The following SLC24A2 variants were observed in gnomAD, a reference collection of about 807,000 sequenced individuals.
The protein encoded by SLC24A2 is sodium/potassium/calcium exchanger 2.
A neutral mutation model predicts 62.0 loss-of-function variants in SLC24A2; 36 were observed. The ratio of observed to expected loss-of-function variants is 0.58; its 90% CI spans 0.44 to 0.77. The LOEUF (loss-of-function observed/expected upper bound fraction) is 0.77, where lower values mean the gene tolerates loss of function less well. Ranked by LOEUF, SLC24A2 falls within the 30% of genes least tolerant of loss-of-function variation. The pLI is 0.00. For synonymous variants in SLC24A2, 358 were observed against 294.0 expected (o/e 1.22, Z -2.23); for missense variants, 846 against 817.9 (o/e 1.03, Z -0.42).
chr9:19,542,727 A>G (rs1834337847), intron 8 of SLC24A2, among the ~76,000 whole-genome samples: 1 of 152,072 alleles, frequency 6.6e-6, no homozygotes, highest in Non-Finnish European at 1.5e-5. Flanking sequence ...TGTGTATGTG[A>G]TGGATTACAT....
the SLC24A2 span, among the ~76,000 whole-genome samples, chr9:20,258,211 C>A: frequency 6.6e-6 from 1 of 152,166 alleles, no homozygotes; most frequent in African/African-American, 2.4e-5. Context: ...GTGTGATTAT[C>A]AATTTTGGCT....
chr9:19,573,886 T>C (rs1190392460), intron 6 of SLC24A2, among the ~76,000 whole-genome samples: 1 of 152,162 alleles, frequency 6.6e-6, no homozygotes, highest in African/African-American at 2.4e-5. Flanking sequence ...CCACACGCAA[T>C]CTACATACTA....
At chr9:19,771,898 G>T (rs1022854385) in intron 2 of SLC24A2, among the ~76,000 whole-genome samples, 7 of 152,146 alleles carry the variant, frequency 4.6e-5, no homozygotes, top group African/African-American at 1.7e-4. Context: ...GGCATGGAAT[G>T]GGAGGAGTTA....
chr9:19,787,590 C>G (rs942260212), intron 1 of SLC24A2, among the ~76,000 whole-genome samples: 21 of 152,112 alleles, frequency 1.4e-4, no homozygotes, highest in African/African-American at 5.1e-4. Context: ...GATATCAGAT[C>G]TTATTTTTCA....
intron 2 of SLC24A2, among the ~76,000 whole-genome samples, chr9:19,648,160 T>C (rs6475357): frequency 0.25 from 37,824 of 152,136 alleles, 5,003 homozygotes; most frequent in African/African-American, 0.34. Context: ...CCCATTAAGG[T>C]AGATATTATT....
At chr9:19,932,184 T>C in the SLC24A2 span, among the ~76,000 whole-genome samples, 1 of 152,144 alleles carries the variant, frequency 6.6e-6, no homozygotes, top group African/African-American at 2.4e-5. Context: ...ATTTAAATAG[T>C]CAAAGTTGTA....
the SLC24A2 span, among the ~76,000 whole-genome samples, chr9:20,051,318 G>A: frequency 6.6e-6 from 1 of 151,942 alleles, no homozygotes; most frequent in Non-Finnish European, 1.5e-5. Flanking sequence ...ACTAACTTTT[G>A]GTAGACCTAA....
intron 10 of SLC24A2, 85 bp downstream of exon 10, chr9:19,520,809 A>C: frequency 7.6e-7 from 1 of 1,308,636 alleles, no homozygotes; most frequent in Non-Finnish European, 1.1e-6. Context: ...AGGTTCAGAG[A>C]TCCTGGTCAT....
the SLC24A2 span, among the ~76,000 whole-genome samples, chr9:19,894,476 A>G: frequency 1.3e-5 from 2 of 152,208 alleles, no homozygotes; most frequent in African/African-American, 2.4e-5. Flanking sequence ...CATTCATTAC[A>G]TGAATGACTG....
the SLC24A2 span, among the ~76,000 whole-genome samples, chr9:20,212,436 A>C: frequency 6.6e-6 from 1 of 151,780 alleles, no homozygotes; most frequent in Non-Finnish European, 1.5e-5. Flanking sequence ...AGATCACTTG[A>C]GGTCAGGAGT....
In SLC24A2 at chr9:19,517,035, T is replaced by C. The variant is rs545370080; in HGVS notation, c.1737-633A>G. ...TCTTACATTTGTGATGTGTGTGTTT[T>C]TCTTAAAAAAAACTTTATTATATAT... On this transcript the variant is annotated intron_variant, in intron 10 of 10. Transcript: ENST00000341998. 5.3e-5 allele frequency among the ~76,000 whole-genome samples: 8 copies of C among 152,326 alleles called. No homozygotes were observed. The East Asian group carries it at 1.5e-3, about 29-fold the overall frequency.
chr9:19,664,281 T>C (rs1404760534), intron 2 of SLC24A2, among the ~76,000 whole-genome samples: 1 of 152,222 alleles, frequency 6.6e-6, no homozygotes, highest in African/African-American at 2.4e-5. Flanking sequence ...GCAGGGTTTC[T>C]TTAAATGGTA....
chr9:19,949,453 G>T, the SLC24A2 span, among the ~76,000 whole-genome samples: 1 of 152,220 alleles, frequency 6.6e-6, no homozygotes. Context: ...ATAACAAAAT[G>T]TGATGAAATA....
chr9:20,298,664 A>T, the SLC24A2 span, among the ~76,000 whole-genome samples: 1 of 152,408 alleles, frequency 6.6e-6, no homozygotes, highest in Admixed American at 6.5e-5. Context: ...TAATAGTAAT[A>T]GCAGCAGCCT....
intron 2 of SLC24A2, among the ~76,000 whole-genome samples, chr9:19,707,312 A>T (rs1379353509): frequency 6.6e-6 from 1 of 152,232 alleles, no homozygotes; most frequent in East Asian, 1.9e-4. Context: ...TTCACAGCCG[A>T]ATTCTACCAG....
At chr9:19,968,028 T>G in the SLC24A2 span, 1 of 152,214 alleles carries the variant, frequency 6.6e-6, no homozygotes, top group Non-Finnish European at 1.5e-5. Context: ...CCCAGAGGTA[T>G]GGCATTGGGT....
At chr9:19,589,245 T>C (rs887067481) in intron 5 of SLC24A2, among the ~76,000 whole-genome samples, 4 of 152,232 alleles carry the variant, frequency 2.6e-5, no homozygotes, top group Non-Finnish European at 4.4e-5. Flanking sequence ...GGGTACTGAT[T>C]GAACCAACCA....
chr9:19,784,989 G>C (rs769994018), intron 2 of SLC24A2, among the ~76,000 whole-genome samples: 32 of 152,070 alleles, frequency 2.1e-4, no homozygotes, highest in Non-Finnish European at 4.4e-4. Context: ...GCATATATGA[G>C]AATTTTCCCA....
chr9:19,901,307 C>T, the SLC24A2 span, among the ~76,000 whole-genome samples: 5 of 152,140 alleles, frequency 3.3e-5, no homozygotes, highest in African/African-American at 7.2e-5. Context: ...ATGCTGTACA[C>T]AGTAGGCAGC....
Sources: gnomAD v4.1 joint callset for allele counts (sites outside exome capture counted in the v4.1 genomes callset) on GRCh38, gnomAD v4.1.1 for gene constraint, MANE v1.5 for transcripts, NCBI Gene and HGNC (gene_info 2026-07-23, HGNC 2026-07-21) for gene names.